The following ATG16L1 variants were observed in gnomAD, a reference collection of about 807,000 sequenced individuals.
The protein encoded by ATG16L1 is autophagy related 16 like 1, also known as autophagy-related protein 16-1.
Under a neutral mutation model 88.5 loss-of-function variants are expected in ATG16L1, and 37 were observed. The observed-to-expected ratio is 0.42, with a 90% CI of 0.32 to 0.55. The LOEUF (loss-of-function observed/expected upper bound fraction) is 0.55. Ranked by LOEUF, ATG16L1 falls within the 20% of genes least tolerant of loss-of-function variation. The pLI is 0.13. For synonymous variants in ATG16L1, 301 were observed against 281.0 expected (o/e 1.07, Z -0.71); for missense variants, 554 against 752.8 (o/e 0.74, Z 3.09).
At chr2:233,278,470 T>A (rs1698520644) in intron 10 of ATG16L1, among the ~76,000 whole-genome samples, 1 of 152,200 alleles carries the variant, frequency 6.6e-6, no homozygotes, top group African/African-American at 2.4e-5. Context: ...CCAAAGTGAT[T>A]TTGTCTGTTA....
intron 15 of ATG16L1, 55 bp downstream of exon 15, chr2:233,292,332 A>T (rs993498120): frequency 6.8e-5 from 94 of 1,381,944 alleles, no homozygotes; most frequent in Middle Eastern, 3.7e-4. Flanking sequence ...CTGCTCTCTT[A>T]ACGTGCTGCG....
At chr2:233,290,462 G>A (rs1699387744) in intron 14 of ATG16L1, 109 bp downstream of exon 14, 3 of 868,114 alleles carry the variant, frequency 3.5e-6, no homozygotes, top group Non-Finnish European at 5.8e-6. Context: ...ATGAGTTTCG[G>A]TACACGTATA....
intron 5 of ATG16L1, among the ~76,000 whole-genome samples, chr2:233,266,604 C>CG (rs1677516989): frequency 6.6e-6 from 1 of 151,890 alleles, no homozygotes; most frequent in South Asian, 2.1e-4. Flanking sequence ...GAATAAATGA[C>CG]GATAGGAAAG....
intron 11 of ATG16L1, among the ~76,000 whole-genome samples, 186 bp downstream of exon 11, chr2:233,281,361 G>T (rs1698709245): frequency 6.6e-6 from 1 of 152,124 alleles, no homozygotes; most frequent in Non-Finnish European, 1.5e-5. Flanking sequence ...TAAACCCTTG[G>T]GTTCTGCTTC....
chr2:233,281,519 A>G (rs1698719745), intron 11 of ATG16L1, among the ~76,000 whole-genome samples: 1 of 152,196 alleles, frequency 6.6e-6, no homozygotes, highest in Non-Finnish European at 1.5e-5. Flanking sequence ...GGAAAGCATT[A>G]AACTGCAAAG....
Position 233,277,540 on chromosome 2 carries a change from G to C in ATG16L1, c.955-28G>C, listed in dbSNP as rs200688963. The C allele has an allele frequency of 2.4e-4, 383 of 1,602,602 alleles. 1 individual carries two copies. In the African/African-American group the frequency reaches 4.5e-3, roughly 19 times the overall value. On this transcript the variant is annotated intron_variant, in intron 9 of 17. Transcript: ENST00000392017. ...TGAGCTCTTGGGATGAGAATGACTG[G>C]GTTTGACACAGGGTGCTTGTCTTGC...
At position 233,294,405 on chromosome 2, in the gene ATG16L1, G is replaced by T. The variant is rs757519254; in HGVS notation, c.*55G>T. ...TGCCCTCCTCAGAAGAAGCACATGG[G>T]CTCCTGCAGCCCTGTCCTGGCAGGT... is the stretch of plus-strand genomic sequence containing the variant. On this transcript the variant is annotated 3_prime_UTR_variant, in exon 18 of 18. Coordinates refer to ENST00000392017, the MANE Select transcript of ATG16L1 (RefSeq NM_030803.7). The T allele has an allele frequency of 2.8e-6, 4 of 1,429,046 alleles. No homozygotes were observed. The East Asian group carries it at 6.9e-5, about 25-fold the overall frequency. 88.5% of individuals were successfully genotyped at this position (1,429,046 alleles called of 1,614,324 possible).
chr2:233,283,036 A>C, intron 12 of ATG16L1: 1 of 337,550 alleles, frequency 3.0e-6, no homozygotes, highest in Non-Finnish European at 5.7e-6. Context: ...ATTTTGGCTT[A>C]ATGGCACAGA....
intron 9 of ATG16L1, 68 bp downstream of exon 9, chr2:233,274,846 C>G: frequency 9.0e-7 from 1 of 1,108,308 alleles, no homozygotes; most frequent in Non-Finnish European, 1.4e-6. Flanking sequence ...ATTAAAGGGT[C>G]CTTTCTAGGC....
chr2:233,257,761 CT>C (rs1553603647), intron 2 of ATG16L1, among the ~76,000 whole-genome samples: 1 of 152,112 alleles, frequency 6.6e-6, no homozygotes, highest in Non-Finnish European at 1.5e-5. Flanking sequence ...AATCCCAGCA[CT>C]TTGGGAGGCC....
At chr2:233,257,458 T>C (rs755969703) in intron 2 of ATG16L1, among the ~76,000 whole-genome samples, 2 of 152,236 alleles carry the variant, frequency 1.3e-5, no homozygotes, top group Non-Finnish European at 2.9e-5. Context: ...GCATGAGATA[T>C]TCAACAACTT....
intron 16 of ATG16L1, among the ~76,000 whole-genome samples, chr2:233,292,861 C>CAA (rs1372983429): frequency 2.0e-5 from 3 of 152,214 alleles, no homozygotes; most frequent in African/African-American, 7.2e-5. Context: ...CTGCTTCTTC[C>CAA]AAATACCTTT....
At chr2:233,274,412 C>T (rs765613538) in intron 8 of ATG16L1, 2 of 429,500 alleles carry the variant, frequency 4.7e-6, no homozygotes. Context: ...AGCAGTTGTT[C>T]AGGATTGCTT....
chr2:233,271,731 A>G (rs116482463), intron 6 of ATG16L1, among the ~76,000 whole-genome samples: 1,645 of 152,264 alleles, frequency 0.011, 27 homozygotes, highest in African/African-American at 0.036. Flanking sequence ...ATAAAATTCT[A>G]TTTTCAACAG....
intron 7 of ATG16L1, 154 bp downstream of exon 7, chr2:233,273,206 C>T (rs1698110851): frequency 2.1e-5 from 13 of 611,912 alleles, no homozygotes; most frequent in African/African-American, 5.5e-5. Context: ...GGTGTCCAGT[C>T]TTTCTCAGTT....
At chr2:233,279,379 A>G (rs959150861) in intron 10 of ATG16L1, among the ~76,000 whole-genome samples, 1 of 152,194 alleles carries the variant, frequency 6.6e-6, no homozygotes, top group African/African-American at 2.4e-5. Context: ...AGAAACGAAC[A>G]TCAGTTGAAG....
intron 8 of ATG16L1, chr2:233,274,296 C>G: frequency 2.0e-6 from 1 of 490,244 alleles, no homozygotes; most frequent in South Asian, 4.0e-5. Flanking sequence ...TTGATTCTAA[C>G]TAGGCATAGA....
At chr2:233,269,466 G>A (rs908187177) in intron 5 of ATG16L1, among the ~76,000 whole-genome samples, 11 of 152,146 alleles carry the variant, frequency 7.2e-5, no homozygotes, top group Admixed American at 2.0e-4. Context: ...GTACTCATTG[G>A]AGCACTTCAG....
intron 13 of ATG16L1, 124 bp downstream of exon 13, chr2:233,290,098 GA>G: frequency 6.6e-7 from 1 of 1,513,638 alleles, no homozygotes. Context: ...TTCATGTTTA[GA>G]GGGGCACTGA....
Sources: gnomAD v4.1 joint callset for allele counts (sites outside exome capture counted in the v4.1 genomes callset) on GRCh38, gnomAD v4.1.1 for gene constraint, MANE v1.5 for transcripts, NCBI Gene and HGNC (gene_info 2026-07-23, HGNC 2026-07-21) for gene names.